Variants in ZNF536 observed in about 807,000 individuals in gnomAD.
ZNF536 encodes zinc finger protein 536.
ZNF536 carries 13 observed loss-of-function variants against 84.5 expected under a neutral mutation model. That is an observed-to-expected ratio of 0.15 (90% CI 0.10 to 0.24). ZNF536 has a LOEUF of 0.24. Among genes scored for constraint, ZNF536 ranks in the 10% least tolerant of loss-of-function variants. The pLI is 1.00. For synonymous variants in ZNF536, 811 were observed against 742.5 expected (o/e 1.09, Z -1.50); for missense variants, 1,536 against 1,747.5 (o/e 0.88, Z 2.16).
At chr19:30,535,762 T>C (rs2045048431) in intron 3 of ZNF536, among the ~76,000 whole-genome samples, 1 of 152,180 alleles carries the variant, frequency 6.6e-6, no homozygotes, top group African/African-American at 2.4e-5. Context: ...CACTTCCATT[T>C]TCTTTGATTT....
intron 1 of ZNF536, among the ~76,000 whole-genome samples, chr19:30,689,338 G>C (rs1285070659): frequency 6.6e-6 from 1 of 152,226 alleles, no homozygotes; most frequent in South Asian, 2.1e-4. Flanking sequence ...TACAATACCT[G>C]ATCACAGTAA....
At chr19:30,342,857 T>C (rs1303262674) in intron 2 of ZNF536, among the ~76,000 whole-genome samples, 1 of 152,150 alleles carries the variant, frequency 6.6e-6, no homozygotes, top group Non-Finnish European at 1.5e-5. Flanking sequence ...GAAAAAAACA[T>C]TTTTGGTTGT....
intron 1 of ZNF536, among the ~76,000 whole-genome samples, chr19:30,249,515 T>C (rs977477810): frequency 1.3e-5 from 2 of 151,972 alleles, no homozygotes; most frequent in Non-Finnish European, 2.9e-5. Flanking sequence ...AAACAAAATA[T>C]CTGGGGCTCA....
chr19:30,593,153 C>T (rs965289185), intron 1 of ZNF536, among the ~76,000 whole-genome samples: 1 of 152,180 alleles, frequency 6.6e-6, no homozygotes, highest in Admixed American at 6.5e-5. Context: ...TGGAGGCCTA[C>T]CTCGCTCCGG....
rs759786682 is a variant in ZNF536, at chr19:30,444,900, G to A, written c.1338G>A (p.Leu446=). 3.8e-5 allele frequency: 62 copies of A among 1,611,308 alleles called. No individual in the cohort carries two copies. The highest frequency in any genetic ancestry group is 6.7e-5 in the Admixed American group (4 of 59,826). Residue 446 remains leucine, a synonymous_variant, in exon 2 of 5, where the codon CTG becomes CTA. Coordinates refer to ENST00000355537, the MANE Select transcript of ZNF536 (RefSeq NM_014717.3). The stretch of plus-strand genomic sequence containing the variant: ...TCATGACCCCGGACAAAGCCGGCCT[G>A]AGCGAGCCCAGCCAGCTCTATGGCA... ...SGFMTPDKAG[L]SEPSQLYGKG...
At chr19:30,371,484 C>T (rs746774084), upstream of ZNF536, among the ~76,000 whole-genome samples, 2 of 151,852 alleles carry the variant, frequency 1.3e-5, no homozygotes, top group Admixed American at 6.6e-5. Context: ...TTGGCATATG[C>T]GTTTGGGCCA....
At chr19:30,238,357 G>T (rs1188536536) in intron 1 of ZNF536, among the ~76,000 whole-genome samples, 1 of 151,908 alleles carries the variant, frequency 6.6e-6, no homozygotes, top group African/African-American at 2.4e-5. Flanking sequence ...GTTATGGAGG[G>T]GTCTGGGGTC....
chr19:30,394,035 G>T (rs2147378717), intron 1 of ZNF536, among the ~76,000 whole-genome samples: 1 of 152,160 alleles, frequency 6.6e-6, no homozygotes, highest in South Asian at 2.1e-4. Context: ...GGGCTAGATG[G>T]GCAGGCAGAG....
At chr19:30,708,008 C>CAAAAA (rs60270540) in intron 1 of ZNF536, among the ~76,000 whole-genome samples, 4 of 102,956 alleles carry the variant, frequency 3.9e-5, no homozygotes, top group Non-Finnish European at 5.8e-5. Flanking sequence ...GAGACTCCAT[C>CAAAAA]AAAAAAAAAA....
chr19:30,545,643 T>C (rs1599755903), intron 3 of ZNF536, among the ~76,000 whole-genome samples: 2 of 152,082 alleles, frequency 1.3e-5, no homozygotes, highest in Middle Eastern at 3.4e-3. Context: ...GTGATCCTCT[T>C]GCCTCGGCCT....
chr19:30,338,006 A>T (rs975715062), intron 2 of ZNF536, among the ~76,000 whole-genome samples: 1 of 151,346 alleles, frequency 6.6e-6, no homozygotes, highest in Non-Finnish European at 1.5e-5. Flanking sequence ...GGTGATTGTG[A>T]TGATGATGAT....
At chr19:30,629,476 A>C (rs1023871762) in intron 1 of ZNF536, among the ~76,000 whole-genome samples, 1 of 152,226 alleles carries the variant, frequency 6.6e-6, no homozygotes, top group South Asian at 2.1e-4. Context: ...GGTTATAGGC[A>C]TAAGCCACCA....
At chr19:30,437,087 A>G (rs2051784833) in intron 1 of ZNF536, among the ~76,000 whole-genome samples, 2 of 152,350 alleles carry the variant, frequency 1.3e-5, no homozygotes, top group South Asian at 2.1e-4. Flanking sequence ...TTTTCGTGGT[A>G]TAAGGAAAAA....
intron 2 of ZNF536, among the ~76,000 whole-genome samples, chr19:30,531,036 G>A (rs953178944): frequency 2.6e-5 from 4 of 152,072 alleles, no homozygotes; most frequent in African/African-American, 9.7e-5. Context: ...ACACTTCCTG[G>A]GACCACCCAC....
intron 3 of ZNF536, among the ~76,000 whole-genome samples, chr19:30,546,417 G>A (rs1402466317): frequency 6.6e-6 from 1 of 152,180 alleles, no homozygotes; most frequent in Non-Finnish European, 1.5e-5. Context: ...GTCCAGGAGA[G>A]ATCTCAGCTG....
chr19:30,359,499 T>C (rs552323063), intron 3 of ZNF536, among the ~76,000 whole-genome samples: 2 of 152,278 alleles, frequency 1.3e-5, no homozygotes, highest in East Asian at 3.9e-4. Flanking sequence ...GTTGCTCAGA[T>C]GTGGGCAGCA....
intron 2 of ZNF536, among the ~76,000 whole-genome samples, chr19:30,331,839 G>T (rs1382349730): frequency 1.3e-5 from 2 of 152,114 alleles, no homozygotes; most frequent in African/African-American, 2.4e-5. Flanking sequence ...CCTGTCCCCT[G>T]CAGGGGACCT....
chr19:30,488,188 G>C (rs1295877135), intron 2 of ZNF536, among the ~76,000 whole-genome samples: 1 of 152,150 alleles, frequency 6.6e-6, no homozygotes, highest in Non-Finnish European at 1.5e-5. Flanking sequence ...CCTTCCTGGT[G>C]TTCTAACAGA....
At chr19:30,685,347 A>T (rs766116054) in intron 1 of ZNF536, among the ~76,000 whole-genome samples, 6 of 152,100 alleles carry the variant, frequency 3.9e-5, no homozygotes, top group East Asian at 1.9e-4. Context: ...CTCTTTCTGG[A>T]TATCTGTGGG....
Sources: gnomAD v4.1 joint callset for allele counts (sites outside exome capture counted in the v4.1 genomes callset) on GRCh38, gnomAD v4.1.1 for gene constraint, MANE v1.5 for transcripts, NCBI Gene and HGNC (gene_info 2026-07-23, HGNC 2026-07-21) for gene names.